Variants in SMC5 observed in about 807,000 individuals in gnomAD.
SMC5 encodes the protein structural maintenance of chromosomes protein 5.
In SMC5, 88 loss-of-function variants were observed where a neutral mutation model predicts 148.3. That is an observed-to-expected ratio of 0.59 (90% CI 0.50 to 0.71). The LOEUF (loss-of-function observed/expected upper bound fraction) is 0.71, where lower values mean the gene tolerates loss of function less well. Ranked by LOEUF, SMC5 falls within the 30% of genes least tolerant of loss-of-function variation. SMC5 has a pLI of 0.00. For synonymous variants in SMC5, 421 were observed against 432.8 expected (o/e 0.97, Z 0.34); for missense variants, 1,142 against 1,298.9 (o/e 0.88, Z 1.86).
intron 17 of SMC5, among the ~76,000 whole-genome samples, chr9:70,329,412 G>A (rs10746841): frequency 0.64 from 96,858 of 151,936 alleles, 31,637 homozygotes; most frequent in Non-Finnish European, 0.71. Flanking sequence ...TTCTTCCACC[G>A]GATGCCCTAA....
intron 3 of SMC5, among the ~76,000 whole-genome samples, chr9:70,271,711 G>A (rs1044258825): frequency 6.6e-6 from 1 of 152,140 alleles, no homozygotes; most frequent in Non-Finnish European, 1.5e-5. Flanking sequence ...ACCTGATCAG[G>A]AAAGATCTCA....
chr9:70,337,436 G>A (rs1277371509), intron 17 of SMC5, among the ~76,000 whole-genome samples: 1 of 140,872 alleles, frequency 7.1e-6, no homozygotes, highest in Admixed American at 7.6e-5. Flanking sequence ...GATAAATACT[G>A]TGTTTTGGGA....
Position 70,318,882 on chromosome 9 carries a change from T to G in SMC5, c.2069T>G (p.Leu690Arg). The change falls in exon 15 of 25, where the codon CTT (leucine) becomes CGT (arginine). Residue 690 changes from leucine to arginine, a missense_variant. Leu to Arg is a moderately radical substitution (Grantham distance 102, BLOSUM62 -2). Coordinates refer to ENST00000361138, the MANE Select transcript of SMC5 (RefSeq NM_015110.4). ...CATCTGGAGCACAAAGACAATGAAC[T>G]TAGACAAAAGAAGAAGGAGCTTCTT... ...SKHLEHKDNELRQKKKELLER... is the reference protein window; with the variant it reads ...SKHLEHKDNERRQKKKELLER... The G allele has an allele frequency of 6.2e-7, 1 of 1,612,350 alleles. No homozygotes were observed. The highest frequency in any genetic ancestry group is 8.5e-7 in the Non-Finnish European group (1 of 1,179,190).
chr9:70,292,243 A>G (rs1210300808), intron 8 of SMC5, among the ~76,000 whole-genome samples: 1 of 152,134 alleles, frequency 6.6e-6, no homozygotes, highest in Admixed American at 6.5e-5. Flanking sequence ...TTTAATAGGA[A>G]TTTCATTAAA....
At chr9:70,270,623 T>C (rs1316165390) in intron 3 of SMC5, among the ~76,000 whole-genome samples, 2 of 151,298 alleles carry the variant, frequency 1.3e-5, no homozygotes, top group African/African-American at 2.4e-5. Context: ...TGTCAGGAAT[T>C]GAGGACAGAG....
chr9:70,281,378 G>T (rs2034745942), intron 6 of SMC5, among the ~76,000 whole-genome samples: 1 of 152,018 alleles, frequency 6.6e-6, no homozygotes, highest in Admixed American at 6.6e-5. Flanking sequence ...TGTGCTAGTT[G>T]TTACTGTTTA....
At chr9:70,314,556 CTT>C (rs2035745927) in intron 11 of SMC5, among the ~76,000 whole-genome samples, 184 bp from the exon 12 acceptor site, 1 of 151,196 alleles carries the variant, frequency 6.6e-6, no homozygotes, top group Admixed American at 6.6e-5. Context: ...GAAGTGGACT[CTT>C]TTTATAAAAA....
At chr9:70,274,924 T>C (rs1420220258) in intron 3 of SMC5, among the ~76,000 whole-genome samples, 1 of 152,002 alleles carries the variant, frequency 6.6e-6, no homozygotes, top group Admixed American at 6.6e-5. Context: ...ATTAATATAA[T>C]ATAGTTATAT....
chr9:70,339,158 G>A (rs1221870602), intron 17 of SMC5, among the ~76,000 whole-genome samples: 4 of 152,100 alleles, frequency 2.6e-5, no homozygotes, highest in African/African-American at 7.2e-5. Flanking sequence ...GGCTGGGCAC[G>A]GTGGCTCACG....
intron 17 of SMC5, among the ~76,000 whole-genome samples, chr9:70,340,595 G>A (rs1357569314): frequency 6.6e-6 from 1 of 152,028 alleles, no homozygotes. Context: ...AGGGAGAAAT[G>A]TGTTAATTTA....
chr9:70,278,754 G>C (rs2034666908), intron 5 of SMC5, 129 bp downstream of exon 5: 1 of 833,664 alleles, frequency 1.2e-6, no homozygotes, highest in Admixed American at 3.5e-5. Flanking sequence ...ACTTAGGATT[G>C]TACTGCTAAT....
chr9:70,303,451 A>G (rs539659563), intron 10 of SMC5, among the ~76,000 whole-genome samples: 2 of 152,182 alleles, frequency 1.3e-5, no homozygotes, highest in South Asian at 2.1e-4. Context: ...TCCCCCCTCA[A>G]ATTGCGAAAC....
intron 17 of SMC5, among the ~76,000 whole-genome samples, chr9:70,327,617 A>G (rs1246291860): frequency 2.0e-5 from 3 of 152,364 alleles, no homozygotes; most frequent in South Asian, 2.1e-4. Context: ...TATCCTGAAA[A>G]TAACAAATAC....
chr9:70,335,015 T>G (rs1461727901), intron 17 of SMC5, among the ~76,000 whole-genome samples: 1 of 152,192 alleles, frequency 6.6e-6, no homozygotes, highest in Admixed American at 6.5e-5. Flanking sequence ...ACTAAATTGC[T>G]GAGAATTTGG....
chr9:70,340,865 T>A (rs1223457384), intron 17 of SMC5, among the ~76,000 whole-genome samples: 1 of 152,238 alleles, frequency 6.6e-6, no homozygotes, highest in Middle Eastern at 3.4e-3. Flanking sequence ...ATAAAAAGAA[T>A]TTTAGAAAAA....
At chr9:70,348,376 CT>C (rs550468647) in intron 22 of SMC5, among the ~76,000 whole-genome samples, 44 of 145,254 alleles carry the variant, frequency 3.0e-4, no homozygotes, top group African/African-American at 3.8e-4. Context: ...ATATCAGTGT[CT>C]TTTTTTTTTT....
intron 17 of SMC5, among the ~76,000 whole-genome samples, chr9:70,337,130 G>A (rs2036378429): frequency 6.6e-6 from 1 of 152,134 alleles, no homozygotes; most frequent in Admixed American, 6.5e-5. Context: ...CAACACGTGG[G>A]AATTCAAGAT....
intron 15 of SMC5, 116 bp from the exon 16 acceptor site, chr9:70,323,367 C>G (rs2118646401): frequency 1.0e-6 from 1 of 968,958 alleles, no homozygotes; most frequent in East Asian, 2.7e-5. Context: ...GGGCCAGGCA[C>G]TATATATCTG....
chr9:70,339,705 ATAAAT>A (rs1471243183), intron 17 of SMC5, among the ~76,000 whole-genome samples: 1 of 152,176 alleles, frequency 6.6e-6, no homozygotes, highest in Non-Finnish European at 1.5e-5. Context: ...TTTCTTGAAA[ATAAAT>A]TCACAAAAGA....
Sources: allele counts gnomAD v4.1 joint callset (sites outside exome capture counted in the v4.1 genomes callset), GRCh38; gene constraint gnomAD v4.1.1; transcripts MANE v1.5; gene names NCBI Gene and HGNC (gene_info 2026-07-23, HGNC 2026-07-21).